PCDH15: variants seen among roughly 807,000 people sequenced by gnomAD.
PCDH15 encodes the protein protocadherin-15.
PCDH15 carries 129 observed loss-of-function variants against 178.5 expected under a neutral mutation model. That is an observed-to-expected ratio of 0.72 (90% CI 0.63 to 0.84). The LOEUF is 0.84. Among genes scored for constraint, PCDH15 ranks in the 40% least tolerant of loss-of-function variants. The pLI is 0.00. For synonymous variants in PCDH15, 800 were observed against 732.0 expected, an observed-to-expected ratio of 1.09 and a Z score of -1.50; for missense variants, 2,230 against 2,099.9, an observed-to-expected ratio of 1.06 and a Z score of -1.21.
intron 28 of PCDH15, among the ~76,000 whole-genome samples, chr10:53,846,857 TTGTC>T (rs761968238): frequency 1.8e-4 from 28 of 152,122 alleles, no homozygotes; most frequent in Non-Finnish European, 3.5e-4. Context: ...AATTACCCAT[TTGTC>T]TGTGTGAATG....
chr10:53,806,255 T>TAATC lies in PCDH15; in HGVS notation c.*320_*323dup, dbSNP rs149701475. ...GCTAGAAATAAAGCATAATCTATGTTAATCAATAAAATATAAATGATTATT... is the reference window on the plus strand; with the variant it reads ...GCTAGAAATAAAGCATAATCTATGTTAATCAATCAATAAAATATAAATGATTATT... On this transcript the variant is annotated 3_prime_UTR_variant, in exon 38 of 38. Transcript: ENST00000644397. 17 of 226,772 alleles carry TAATC rather than the reference T, an allele frequency of 7.5e-5. No homozygotes were observed. Among genetic ancestry groups the TAATC allele is most frequent in the Middle Eastern group, 1.8e-3 (1 of 544 alleles). The allele number at this position is 226,772 out of a possible 1,614,324, so 14.0% of individuals were successfully genotyped here. A position where few individuals can be genotyped will look rare whatever the true frequency, so the allele number is the denominator to read the frequency against.
At chr10:55,553,197 C>A (rs1200265396) in intron 2 of PCDH15, among the ~76,000 whole-genome samples, 1 of 148,998 alleles carries the variant, frequency 6.7e-6, no homozygotes. Flanking sequence ...TCTTTTCTAC[C>A]GCTAGGTTAA....
chr10:55,366,817 C>T (rs1033841835), intron 2 of PCDH15, among the ~76,000 whole-genome samples: 47 of 152,180 alleles, frequency 3.1e-4, no homozygotes, highest in African/African-American at 1.0e-3. Flanking sequence ...AGCCTAAATG[C>T]GGAATTTGGC....
intron 2 of PCDH15, among the ~76,000 whole-genome samples, chr10:55,371,802 G>A (rs952574618): frequency 2.6e-5 from 4 of 152,076 alleles, no homozygotes; most frequent in South Asian, 4.1e-4. Flanking sequence ...TGAAAATGGA[G>A]TAATACAAAC....
At chr10:55,376,872 T>G (rs764557508) in intron 2 of PCDH15, among the ~76,000 whole-genome samples, 9 of 152,066 alleles carry the variant, frequency 5.9e-5, no homozygotes, top group Non-Finnish European at 1.3e-4. Context: ...AAATGTAGTA[T>G]TAGTGTTACA....
At chr10:54,467,641 GA>G (rs2077620962) in intron 3 of PCDH15, among the ~76,000 whole-genome samples, 1 of 73,514 alleles carries the variant, frequency 1.4e-5, no homozygotes, top group African/African-American at 5.1e-5. Context: ...ATTGTTTTTA[GA>G]CTCTTGTCTG....
chr10:53,951,329 C>A (rs535566645), intron 23 of PCDH15, among the ~76,000 whole-genome samples: 140 of 150,408 alleles, frequency 9.3e-4, no homozygotes, highest in African/African-American at 3.1e-3. Flanking sequence ...CCACCCCCAC[C>A]AAAAAATGAA....
At chr10:54,907,575 T>C (rs1954746819) in intron 2 of PCDH15, among the ~76,000 whole-genome samples, 2 of 152,194 alleles carry the variant, frequency 1.3e-5, no homozygotes, top group Non-Finnish European at 2.9e-5. Flanking sequence ...ATTATTGTTC[T>C]GGTTGTTGCT....
chr10:55,596,042 G>T (rs11816898), intron 2 of PCDH15, among the ~76,000 whole-genome samples: 47,683 of 151,732 alleles, frequency 0.31, 7,711 homozygotes, highest in African/African-American at 0.39. Context: ...CACAGAAGTT[G>T]AATACTTTTA....
intron 5 of PCDH15, among the ~76,000 whole-genome samples, chr10:54,353,968 C>T (rs902683497): frequency 8.6e-5 from 13 of 151,960 alleles, no homozygotes; most frequent in African/African-American, 2.4e-4. Flanking sequence ...TACATATGAG[C>T]TTATTTATTT....
At chr10:54,908,713 G>C (rs538268551) in intron 2 of PCDH15, among the ~76,000 whole-genome samples, 1 of 152,208 alleles carries the variant, frequency 6.6e-6, no homozygotes, top group Non-Finnish European at 1.5e-5. Context: ...AATCATTTCT[G>C]TAAACGGTGT....
At chr10:53,973,887 T>C (rs1295149726) in intron 21 of PCDH15, among the ~76,000 whole-genome samples, 1 of 152,212 alleles carries the variant, frequency 6.6e-6, no homozygotes, top group African/African-American at 2.4e-5. Flanking sequence ...TACATGTATT[T>C]TAGAAATAAA....
At chr10:54,371,091 GGAT>G (rs1947593807) in intron 4 of PCDH15, among the ~76,000 whole-genome samples, 1 of 151,734 alleles carries the variant, frequency 6.6e-6, no homozygotes, top group African/African-American at 2.4e-5. Context: ...AACCTTGGAA[GGAT>G]GTATAAATAC....
intron 32 of PCDH15, among the ~76,000 whole-genome samples, chr10:53,824,005 C>T (rs185401284): frequency 9.3e-4 from 142 of 151,978 alleles, no homozygotes; most frequent in Non-Finnish European, 1.6e-3. Flanking sequence ...GTTTTAAAAC[C>T]TTATACATAA....
chr10:54,547,255 C>T (rs2085965002), intron 2 of PCDH15, among the ~76,000 whole-genome samples: 1 of 152,096 alleles, frequency 6.6e-6, no homozygotes, highest in Admixed American at 6.6e-5. Flanking sequence ...AAACAAAATG[C>T]TTTATATACA....
chr10:55,075,910 T>C (rs1320384995), intron 2 of PCDH15, among the ~76,000 whole-genome samples: 1 of 152,168 alleles, frequency 6.6e-6, no homozygotes, highest in Non-Finnish European at 1.5e-5. Flanking sequence ...TTTTGCTGTA[T>C]TTCACAGGTT....
At chr10:54,510,893 C>T (rs2081589899) in intron 3 of PCDH15, among the ~76,000 whole-genome samples, 1 of 152,038 alleles carries the variant, frequency 6.6e-6, no homozygotes, top group South Asian at 2.1e-4. Context: ...CCGTATTTAA[C>T]TCATATGATA....
At chr10:55,287,774 T>C (rs909563126) in intron 1 of PCDH15, among the ~76,000 whole-genome samples, 9 of 152,002 alleles carry the variant, frequency 5.9e-5, no homozygotes, top group Non-Finnish European at 1.3e-4. Context: ...AAGTGAATTG[T>C]AAAATGTGCT....
At chr10:54,143,157 G>T (rs2043563301) in intron 14 of PCDH15, among the ~76,000 whole-genome samples, 1 of 152,122 alleles carries the variant, frequency 6.6e-6, no homozygotes, top group African/African-American at 2.4e-5. Flanking sequence ...AGGAGATATT[G>T]TCAAATCTGA....
Sources: allele counts gnomAD v4.1 joint callset (sites outside exome capture counted in the v4.1 genomes callset), GRCh38; gene constraint gnomAD v4.1.1; transcripts MANE v1.5; gene names NCBI Gene and HGNC (gene_info 2026-07-23, HGNC 2026-07-21).